The following GBE1 variants were observed in gnomAD, a reference collection of about 807,000 sequenced individuals.
GBE1 encodes 1,4-alpha-glucan-branching enzyme.
In GBE1, 70 loss-of-function variants were observed where a neutral mutation model predicts 88.8. The ratio of observed to expected loss-of-function variants is 0.79; its 90% CI spans 0.65 to 0.96. The LOEUF (loss-of-function observed/expected upper bound fraction) is 0.96. GBE1 is among the 40% of genes least tolerant of loss of function. The pLI is 0.00. For missense variants in GBE1, 872 were observed against 871.0 expected (o/e 1.00, Z -0.01); for synonymous variants, 284 against 300.1 (o/e 0.95, Z 0.56).
At chr3:81,621,039 AG>A (rs1704325131) in intron 7 of GBE1, among the ~76,000 whole-genome samples, 1 of 152,134 alleles carries the variant, frequency 6.6e-6, no homozygotes, top group African/African-American at 2.4e-5. Flanking sequence ...CTGACCTTGG[AG>A]TTCTCAGTCT....
chr3:81,609,563 T>A lies in GBE1; in HGVS notation c.993-15540A>T, dbSNP rs139166965. Among the ~76,000 whole-genome samples, 9 of 152,276 alleles carry A rather than the reference T, an allele frequency of 5.9e-5. 1 individual carries two copies. The East Asian group carries it at 1.7e-3, about 29-fold the overall frequency. ...TGCTCCCTAGGATTTTGGGGGTTTT[T>A]TTTTGGTTTTTGTTTGTTTTTGCTT... On this transcript the variant is annotated intron_variant, in intron 7 of 15. Coordinates refer to ENST00000429644, the MANE Select transcript of GBE1 (RefSeq NM_000158.4).
intron 1 of GBE1, among the ~76,000 whole-genome samples, chr3:81,754,810 A>T (rs1706579512): frequency 6.6e-6 from 1 of 152,162 alleles, no homozygotes; most frequent in Non-Finnish European, 1.5e-5. Context: ...ATATCTCATC[A>T]TACACAAAAA....
At chr3:81,696,507 A>T (rs1705597921) in intron 2 of GBE1, among the ~76,000 whole-genome samples, 1 of 152,228 alleles carries the variant, frequency 6.6e-6, no homozygotes, top group African/African-American at 2.4e-5. Flanking sequence ...TGTTGTACTC[A>T]GTCACACTTG....
chr3:81,738,459 A>G (rs1367930116), intron 1 of GBE1, among the ~76,000 whole-genome samples: 2 of 151,802 alleles, frequency 1.3e-5, no homozygotes, highest in African/African-American at 4.8e-5. Context: ...CAGGCGTGAG[A>G]TGGTATCTCA....
intron 12 of GBE1, among the ~76,000 whole-genome samples, chr3:81,538,077 T>A (rs1703099332): frequency 6.6e-6 from 1 of 151,974 alleles, no homozygotes; most frequent in Admixed American, 6.6e-5. Context: ...TTTTCTTTCA[T>A]GTGCTACAAT....
At chr3:81,739,693 T>C (rs1706319664) in intron 1 of GBE1, among the ~76,000 whole-genome samples, 1 of 152,174 alleles carries the variant, frequency 6.6e-6, no homozygotes. Context: ...CCTTTTTTTA[T>C]TGAGAGGTTT....
chr3:81,702,082 G>GGAGAGA lies in GBE1; in HGVS notation c.313+3356_313+3361dup, dbSNP rs145867211. 1.8e-3 allele frequency among the ~76,000 whole-genome samples: 141 copies of GGAGAGA among 76,766 alleles called. 2 individuals are homozygous for GGAGAGA. Among genetic ancestry groups the GGAGAGA allele is most frequent in the East Asian group, 0.013 (26 of 2,014 alleles). 50.4% of individuals were successfully genotyped at this position (76,766 alleles called of 152,430 possible). A position where few individuals can be genotyped will look rare whatever the true frequency, so the allele number is the denominator to read the frequency against. ...GGGAAAAATAAAATACAGAATCCCT[G>GGAGAGA]GAGAGAGAGAGAGAGAGAGAGTGTG... On this transcript the variant is annotated intron_variant, in intron 2 of 15. Coordinates refer to ENST00000429644, the MANE Select transcript of GBE1 (RefSeq NM_000158.4).
intron 14 of GBE1, among the ~76,000 whole-genome samples, chr3:81,507,539 G>A (rs866846330): frequency 9.9e-5 from 15 of 152,050 alleles, no homozygotes; most frequent in African/African-American, 3.6e-4. Context: ...ACTCCAGCCT[G>A]GGTGACAGAG....
At chr3:81,586,955 A>G (rs1448232853) in intron 9 of GBE1, among the ~76,000 whole-genome samples, 1 of 151,890 alleles carries the variant, frequency 6.6e-6, no homozygotes, top group Non-Finnish European at 1.5e-5. Context: ...TTCTCAGCTA[A>G]TATTTTTTAT....
chr3:81,525,623 G>T (rs149127554), intron 14 of GBE1, among the ~76,000 whole-genome samples: 1 of 152,046 alleles, frequency 6.6e-6, no homozygotes, highest in Non-Finnish European at 1.5e-5. Context: ...GCTTGTCCTT[G>T]TACCTCTGGT....
At chr3:81,572,622 T>C (rs1703589821) in intron 12 of GBE1, among the ~76,000 whole-genome samples, 1 of 152,234 alleles carries the variant, frequency 6.6e-6, no homozygotes, top group Admixed American at 6.5e-5. Flanking sequence ...ATGTTCTTAA[T>C]TCTTATATTT....
intron 1 of GBE1, among the ~76,000 whole-genome samples, chr3:81,759,027 C>G (rs1286220082): frequency 6.6e-6 from 1 of 152,242 alleles, no homozygotes; most frequent in African/African-American, 2.4e-5. Flanking sequence ...AAGCTCTCTT[C>G]TCTTGTCTGC....
chr3:81,680,141 T>C (rs1171236284), intron 2 of GBE1, among the ~76,000 whole-genome samples: 1 of 152,216 alleles, frequency 6.6e-6, no homozygotes, highest in Non-Finnish European at 1.5e-5. Context: ...TCAGTTTACT[T>C]GACCGGCTGC....
intron 14 of GBE1, among the ~76,000 whole-genome samples, chr3:81,523,615 C>A (rs1195478628): frequency 6.6e-6 from 1 of 151,582 alleles, no homozygotes; most frequent in Admixed American, 6.6e-5. Flanking sequence ...CTTTTGTAGC[C>A]ATTAAGCATT....
rs770335349 is a variant in GBE1, at chr3:81,591,163, A to G, written c.1110T>C (p.Gly370=). The G allele has an allele frequency of 3.8e-6, 6 of 1,595,166 alleles. No individual in the cohort carries two copies. The highest frequency in any genetic ancestry group is 5.1e-6 in the Non-Finnish European group (6 of 1,169,432). Reference sequence around the variant, plus strand: ...CACTGTAATCACCTGAGAAACCTTGACCTTAGAAAAAGAAAATCAATACGG... The same window carrying G: ...CACTGTAATCACCTGAGAAACCTTGGCCTTAGAAAAAGAAAATCAATACGG... ...TSMLYHHHGV[G]QGFSGDYSEY... Residue 370 remains glycine, a splice_region_variant and synonymous_variant, in exon 9 of 16, where the codon GGT becomes GGC. Transcript: ENST00000429644.
intron 2 of GBE1, among the ~76,000 whole-genome samples, chr3:81,677,311 T>C (rs1172553828): frequency 6.6e-6 from 1 of 152,148 alleles, no homozygotes; most frequent in Non-Finnish European, 1.5e-5. Context: ...GCGAGGCTAA[T>C]ATACAAAGGC....
chr3:81,515,272 C>G (rs535101734), intron 14 of GBE1, among the ~76,000 whole-genome samples: 1 of 151,416 alleles, frequency 6.6e-6, no homozygotes, highest in African/African-American at 2.4e-5. Flanking sequence ...TTATTTCAAA[C>G]TTTTTCATTA....
intron 7 of GBE1, among the ~76,000 whole-genome samples, chr3:81,595,757 C>CAA (rs2106959831): frequency 6.6e-6 from 1 of 151,990 alleles, no homozygotes; most frequent in South Asian, 2.1e-4. Context: ...AATATTTAAT[C>CAA]TATTCTACTC....
chr3:81,756,773 T>C (rs1276185679), intron 1 of GBE1, among the ~76,000 whole-genome samples: 3 of 152,128 alleles, frequency 2.0e-5, no homozygotes, highest in Non-Finnish European at 4.4e-5. Context: ...GCAGAAGCAA[T>C]AGCATGTACA....
Sources: allele counts gnomAD v4.1 joint callset (sites outside exome capture counted in the v4.1 genomes callset), GRCh38; gene constraint gnomAD v4.1.1; transcripts MANE v1.5; gene names NCBI Gene and HGNC (gene_info 2026-07-23, HGNC 2026-07-21).